NDEL1: variants seen among roughly 807,000 people sequenced by gnomAD.
NDEL1 encodes nuclear distribution protein nudE-like 1.
A neutral mutation model predicts 45.7 loss-of-function variants in NDEL1; 9 were observed. The observed-to-expected ratio is 0.20, with a 90% CI of 0.12 to 0.34. The LOEUF (loss-of-function observed/expected upper bound fraction) is 0.34, where lower values mean the gene tolerates loss of function less well. NDEL1 is among the 10% of genes least tolerant of loss of function. The pLI, the probability that NDEL1 is intolerant of heterozygous loss-of-function variation, is 1.00. For synonymous variants in NDEL1, 133 were observed against 158.6 expected, an observed-to-expected ratio of 0.84 and a Z score of 1.21; for missense variants, 306 against 406.2, an observed-to-expected ratio of 0.75 and a Z score of 2.12.
chr17:8,466,161 A>G (rs1911574896), intron 8 of NDEL1: 1 of 152,224 alleles, frequency 6.6e-6, no homozygotes, highest in South Asian at 2.1e-4. Context: ...TGGAAAATGT[A>G]AGGAGATTTG....
chr17:8,413,247 T>A (rs1908465327), exon 1 of NDEL1: 1 of 152,388 alleles, frequency 6.6e-6, no homozygotes, highest in Non-Finnish European at 1.5e-5. Flanking sequence ...TCTGATCAGC[T>A]GAGGCCTGAG....
chr17:8,433,374 G>A (rs1411046255), upstream of NDEL1, among the ~76,000 whole-genome samples: 1 of 152,096 alleles, frequency 6.6e-6, no homozygotes, highest in Non-Finnish European at 1.5e-5. Context: ...TGATGTGGAG[G>A]GTCTGCTGCT....
Position 8,466,923 on chromosome 17 carries a change from C to G in NDEL1, c.945-7C>G. ...TCTTCCCTTCTGTGCTCTGGTTGCT[C>G]CCACAGGGCAGTAAACGGCTTTGAC... On this transcript the variant is annotated splice_polypyrimidine_tract_variant and splice_region_variant and intron_variant, in intron 8 of 8. Coordinates refer to ENST00000334527, the MANE Select transcript of NDEL1 (RefSeq NM_030808.5). 6.2e-7 allele frequency: 1 copy of G among 1,614,092 alleles called. No homozygotes were observed. The highest frequency in any genetic ancestry group is 8.5e-7 in the Non-Finnish European group (1 of 1,179,926).
intron 1 of NDEL1, among the ~76,000 whole-genome samples, chr17:8,421,659 G>C (rs964661116): frequency 1.3e-5 from 2 of 152,174 alleles, no homozygotes; most frequent in Non-Finnish European, 2.9e-5. Flanking sequence ...AAGCCACCAG[G>C]CTTGTGGTAA....
At chr17:8,433,061 A>G (rs996036275), upstream of NDEL1, among the ~76,000 whole-genome samples, 1 of 151,900 alleles carries the variant, frequency 6.6e-6, no homozygotes, top group Non-Finnish European at 1.5e-5. Flanking sequence ...TCAGGATTGT[A>G]CTGGTAAAGC....
intron 1 of NDEL1, among the ~76,000 whole-genome samples, chr17:8,428,688 G>GT (rs1281943312): frequency 1.3e-5 from 2 of 149,460 alleles, no homozygotes. Context: ...TAAGATTTTT[G>GT]TTTTTTTGAG....
intron 4 of NDEL1, 59 bp downstream of exon 4, chr17:8,446,961 T>C (rs1264878541): frequency 6.4e-7 from 1 of 1,553,890 alleles, no homozygotes; most frequent in Non-Finnish European, 8.7e-7. Flanking sequence ...GTGATTAAAA[T>C]CTTTATTAGG....
Position 8,425,599 on chromosome 17 carries a change from C to A in NDEL1, c.-13+12330C>A, listed in dbSNP as rs60424882. The stretch of plus-strand genomic sequence containing the variant: ...CTTGTCTCAAAAAAAAAAAAAAAAT[C>A]ATTGAAAGCTTTTATTCATTGAATA... On this transcript the variant is annotated intron_variant, in intron 1 of 4. Coordinates refer to the NDEL1 transcript ENST00000582812. Among the ~76,000 whole-genome samples the A allele has an allele frequency of 9.8e-3, 1,428 of 145,940 alleles. 17 individuals carry two copies. Among genetic ancestry groups the A allele is most frequent in the African/African-American group, 0.034 (1,325 of 39,480 alleles).
intron 6 of NDEL1, 39 bp downstream of exon 6, chr17:8,450,992 T>C (rs371747416): frequency 6.3e-7 from 1 of 1,585,186 alleles, no homozygotes; most frequent in Admixed American, 1.9e-5. Flanking sequence ...ATGTGTTAGA[T>C]GATCAGCTTA....
intron 1 of NDEL1, among the ~76,000 whole-genome samples, chr17:8,443,600 CA>C (rs2151714335): frequency 6.6e-6 from 1 of 152,130 alleles, no homozygotes; most frequent in South Asian, 2.1e-4. Context: ...GTAGCCAGTC[CA>C]AATGTTAGTT....
At chr17:8,452,006 G>A in intron 6 of NDEL1, among the ~76,000 whole-genome samples, 2 of 152,296 alleles carry the variant, frequency 1.3e-5, no homozygotes, top group African/African-American at 4.8e-5. Context: ...TAACCCTTGA[G>A]TAGGTAATTC....
upstream of NDEL1, chr17:8,435,864 A>G: frequency 2.2e-6 from 1 of 447,086 alleles, no homozygotes; most frequent in Non-Finnish European, 4.5e-6. Context: ...GCGTCACAGA[A>G]TGGCCTCGGA....
rs1909946836 is a variant in NDEL1, at chr17:8,444,367, GA to G, written c.86+13del. On this transcript the variant is annotated intron_variant, in intron 2 of 8. Transcript: ENST00000334527. ...TGAAGTATAAGCAAAGGTAATGTTG[GA>G]AAGCACACTAAAAGTAGGGGAGGGC... The G allele has an allele frequency of 1.3e-6, 2 of 1,592,758 alleles. No homozygotes were observed. Among genetic ancestry groups the G allele is most frequent in the African/African-American group, 2.7e-5 (2 of 74,360 alleles).
At chr17:8,453,662 T>G (rs1009271929) in intron 6 of NDEL1, among the ~76,000 whole-genome samples, 1 of 152,200 alleles carries the variant, frequency 6.6e-6, no homozygotes, top group African/African-American at 2.4e-5. Flanking sequence ...TTAATTTTCT[T>G]ACAATATCCA....
chr17:8,431,716 G>A (rs1909004090), upstream of NDEL1, among the ~76,000 whole-genome samples: 1 of 152,102 alleles, frequency 6.6e-6, no homozygotes, highest in Admixed American at 6.6e-5. Flanking sequence ...CTATCTCATG[G>A]GATTACTGTG....
chr17:8,469,682 G>A (rs1038755732), downstream of NDEL1, among the ~76,000 whole-genome samples: 1 of 149,354 alleles, frequency 6.7e-6, no homozygotes, highest in Non-Finnish European at 1.5e-5. Flanking sequence ...TAGCAGTGGG[G>A]GGTTATATAC....
At chr17:8,433,545 A>G (rs1909070784), upstream of NDEL1, among the ~76,000 whole-genome samples, 1 of 152,116 alleles carries the variant, frequency 6.6e-6, no homozygotes, top group African/African-American at 2.4e-5. Flanking sequence ...AGTATTTTGT[A>G]TTGCTTCAAT....
At chr17:8,442,237 GATA>G (rs1402667322) in intron 1 of NDEL1, among the ~76,000 whole-genome samples, 9 of 152,100 alleles carry the variant, frequency 5.9e-5, no homozygotes, top group Admixed American at 3.9e-4. Context: ...TTGTCTAACT[GATA>G]ATGATAGGTT....
chr17:8,452,330 C>A (rs888085732), intron 6 of NDEL1, among the ~76,000 whole-genome samples: 2 of 152,182 alleles, frequency 1.3e-5, no homozygotes, highest in African/African-American at 4.8e-5. Context: ...GTGACACCCA[C>A]AGGTGGTGCA....
Sources: gnomAD v4.1 joint callset for allele counts (sites outside exome capture counted in the v4.1 genomes callset) on GRCh38, gnomAD v4.1.1 for gene constraint, MANE v1.5 for transcripts, NCBI Gene and HGNC (gene_info 2026-07-23, HGNC 2026-07-21) for gene names.